Variants in ANKS1A observed in about 807,000 individuals in gnomAD.
The protein encoded by ANKS1A is ankyrin repeat and SAM domain-containing protein 1A.
ANKS1A carries 55 observed loss-of-function variants against 120.3 expected under a neutral mutation model. The observed-to-expected ratio is 0.46, with a 90% CI of 0.37 to 0.57. The LOEUF (loss-of-function observed/expected upper bound fraction) is 0.57, where lower values mean the gene tolerates loss of function less well. Ranked by LOEUF, ANKS1A falls within the 20% of genes least tolerant of loss-of-function variation. The pLI is 0.00. For synonymous variants in ANKS1A, 590 were observed against 604.7 expected, an observed-to-expected ratio of 0.98 and a Z score of 0.36; for missense variants, 1,123 against 1,480.3, an observed-to-expected ratio of 0.76 and a Z score of 3.96.
chr6:34,987,984 C>T (rs1772298592), intron 8 of ANKS1A, among the ~76,000 whole-genome samples: 1 of 152,202 alleles, frequency 6.6e-6, no homozygotes, highest in African/African-American at 2.4e-5. Context: ...GCTAAAGGCC[C>T]TGCAGGTACA....
intron 1 of ANKS1A, among the ~76,000 whole-genome samples, chr6:34,962,738 G>A (rs551476098): frequency 8.7e-4 from 131 of 151,382 alleles, no homozygotes; most frequent in African/African-American, 2.8e-3. Flanking sequence ...GCAGTGAGCC[G>A]AGATCCCACC....
chr6:35,088,102 G>A (rs970302395), intron 23 of ANKS1A, among the ~76,000 whole-genome samples: 1 of 152,232 alleles, frequency 6.6e-6, no homozygotes, highest in Non-Finnish European at 1.5e-5. Context: ...TCCACGGTGG[G>A]GGATCACAGA....
At chr6:35,076,847 C>T (rs1304886177) in intron 13 of ANKS1A, among the ~76,000 whole-genome samples, 2 of 152,016 alleles carry the variant, frequency 1.3e-5, no homozygotes, top group East Asian at 3.9e-4. Flanking sequence ...CCAGGCTGAT[C>T]TTGAACTCCT....
At chr6:35,031,985 T>C (rs986588004) in intron 11 of ANKS1A, among the ~76,000 whole-genome samples, 4 of 152,228 alleles carry the variant, frequency 2.6e-5, no homozygotes, top group African/African-American at 9.6e-5. Flanking sequence ...ATTAGAGGCT[T>C]AGTCACTCAT....
At chr6:34,902,802 CAA>C (rs11426793) in intron 1 of ANKS1A, among the ~76,000 whole-genome samples, 17 of 75,228 alleles carry the variant, frequency 2.3e-4, no homozygotes, top group Non-Finnish European at 2.1e-4. Context: ...GACTCCGTCT[CAA>C]AAAAAAAAAA....
intron 1 of ANKS1A, among the ~76,000 whole-genome samples, chr6:34,940,922 A>T (rs1769496664): frequency 6.7e-6 from 1 of 149,756 alleles, no homozygotes; most frequent in African/African-American, 2.5e-5. Flanking sequence ...AAAAAAAAAA[A>T]TTAAAATAAT....
intron 1 of ANKS1A, among the ~76,000 whole-genome samples, chr6:34,899,408 A>T (rs1167577335): frequency 6.6e-6 from 1 of 152,120 alleles, no homozygotes; most frequent in Non-Finnish European, 1.5e-5. Flanking sequence ...GCACTTTGGG[A>T]GGCTGAGGCC....
chr6:35,093,685 C>T (rs974167495), downstream of ANKS1A, among the ~76,000 whole-genome samples: 1 of 152,054 alleles, frequency 6.6e-6, no homozygotes, highest in East Asian at 1.9e-4. Flanking sequence ...CCACTAAGTA[C>T]GATTAAAACC....
intron 1 of ANKS1A, among the ~76,000 whole-genome samples, chr6:34,957,463 C>T (rs1770430500): frequency 6.6e-6 from 1 of 152,112 alleles, no homozygotes; most frequent in Non-Finnish European, 1.5e-5. Context: ...AGAGTGTTTC[C>T]TTGTGTTGGA....
At chr6:34,900,686 A>G (rs528900732) in intron 1 of ANKS1A, among the ~76,000 whole-genome samples, 197 of 152,326 alleles carry the variant, frequency 1.3e-3, no homozygotes, top group Non-Finnish European at 1.3e-3. Flanking sequence ...AAGGTGCAGT[A>G]AGCTAGTAAA....
intron 1 of ANKS1A, among the ~76,000 whole-genome samples, chr6:34,902,447 C>T (rs1423451557): frequency 2.0e-5 from 3 of 151,994 alleles, no homozygotes; most frequent in African/African-American, 7.2e-5. Flanking sequence ...GGGATTTCTC[C>T]GTGTTGGTCA....
intron 1 of ANKS1A, among the ~76,000 whole-genome samples, chr6:34,955,794 G>A (rs1049575528): frequency 2.6e-5 from 4 of 152,158 alleles, no homozygotes; most frequent in African/African-American, 7.2e-5. Flanking sequence ...TGACTGATTG[G>A]AAGTCATTTC....
chr6:35,063,763 G>T (rs868036826), intron 13 of ANKS1A, among the ~76,000 whole-genome samples: 8 of 152,230 alleles, frequency 5.3e-5, no homozygotes, highest in African/African-American at 1.9e-4. Context: ...GGTGTCTTAA[G>T]GAACTTGATG....
At chr6:35,046,686 A>G (rs1447209123) in intron 11 of ANKS1A, among the ~76,000 whole-genome samples, 1 of 152,232 alleles carries the variant, frequency 6.6e-6, no homozygotes, top group African/African-American at 2.4e-5. Flanking sequence ...AGTTGCAGAC[A>G]TCAGTACTCT....
rs766191563 is a variant in ANKS1A, at chr6:34,983,372, C to A, written c.959C>A (p.Pro320Gln). Residue 320 changes from proline (P) to glutamine (Q), a missense_variant, in exon 7 of 24, where the codon CCA becomes CAA. Transcript: ENST00000360359. The stretch of plus-strand genomic sequence containing the variant: ...ACAAAAGAAGTAGATAAAACCCCCC[C>A]ACCCCAGCCACCTCTCATCTCCAGT... ...RSTKEVDKTP[P>Q]PQPPLISSMD... The A allele has an allele frequency of 2.5e-6, 4 of 1,613,892 alleles. No homozygotes were observed. The highest frequency in any genetic ancestry group is 2.5e-6 in the Non-Finnish European group (3 of 1,180,004).
intron 13 of ANKS1A, among the ~76,000 whole-genome samples, chr6:35,076,390 C>T (rs530491115): frequency 2.0e-4 from 30 of 152,178 alleles, no homozygotes; most frequent in African/African-American, 6.0e-4. Context: ...CCAGCCTGAG[C>T]GACAGAGCGA....
chr6:35,029,049 A>G (rs567695640), intron 11 of ANKS1A, among the ~76,000 whole-genome samples: 46 of 152,226 alleles, frequency 3.0e-4, no homozygotes, highest in South Asian at 1.2e-3. Flanking sequence ...CAGATTGGTA[A>G]TGTTATCTTA....
At chr6:34,993,117 A>G (rs1772664381) in intron 9 of ANKS1A, among the ~76,000 whole-genome samples, 2 of 152,218 alleles carry the variant, frequency 1.3e-5, no homozygotes, top group African/African-American at 4.8e-5. Flanking sequence ...ACTGATCAAG[A>G]AGAGATCTTG....
intron 10 of ANKS1A, among the ~76,000 whole-genome samples, chr6:35,002,691 C>T (rs1561905124): frequency 6.6e-6 from 1 of 152,056 alleles, no homozygotes; most frequent in Non-Finnish European, 1.5e-5. Context: ...TTAGTGCCTA[C>T]AGACCCAGTT....
Sources: allele counts gnomAD v4.1 joint callset (sites outside exome capture counted in the v4.1 genomes callset), GRCh38; gene constraint gnomAD v4.1.1; transcripts MANE v1.5; gene names NCBI Gene and HGNC (gene_info 2026-07-23, HGNC 2026-07-21).